Variants in LRMDA observed in about 807,000 individuals in gnomAD.
LRMDA encodes leucine rich melanocyte differentiation associated.
A neutral mutation model predicts 29.8 loss-of-function variants in LRMDA; 18 were observed. The observed-to-expected ratio is 0.60, with a 90% CI of 0.42 to 0.90. LRMDA has a LOEUF of 0.90. Ranked by LOEUF, LRMDA falls within the 40% of genes least tolerant of loss-of-function variation. The pLI is 0.00. For synonymous variants in LRMDA, 125 were observed against 109.4 expected (o/e 1.14, Z -0.89); for missense variants, 273 against 273.9 (o/e 1.00, Z 0.02).
intron 5 of LRMDA, among the ~76,000 whole-genome samples, chr10:76,086,393 G>A (rs1378418573): frequency 7.5e-6 from 1 of 133,240 alleles, no homozygotes; most frequent in Non-Finnish European, 1.6e-5. Flanking sequence ...CTGTTTGCAA[G>A]GCTGGGAAAA....
intron 2 of LRMDA, among the ~76,000 whole-genome samples, chr10:75,738,992 T>G (rs1842797790): frequency 6.6e-6 from 1 of 152,196 alleles, no homozygotes; most frequent in Non-Finnish European, 1.5e-5. Flanking sequence ...CCTGGCTGAT[T>G]AGCAACTTTT....
At chr10:75,914,899 A>G (rs914987692) in intron 2 of LRMDA, among the ~76,000 whole-genome samples, 3 of 152,162 alleles carry the variant, frequency 2.0e-5, no homozygotes, top group African/African-American at 4.8e-5. Context: ...GTAAAAGTCT[A>G]TATGGTGTTA....
intron 2 of LRMDA, among the ~76,000 whole-genome samples, chr10:76,015,595 T>C (rs894172465): frequency 1.3e-5 from 2 of 152,148 alleles, no homozygotes; most frequent in African/African-American, 4.8e-5. Context: ...ATTCTGTTCA[T>C]TAGAAGCAAG....
chr10:76,068,201 TAAG>T (rs1206514784), intron 5 of LRMDA, among the ~76,000 whole-genome samples: 1 of 152,234 alleles, frequency 6.6e-6, no homozygotes, highest in Non-Finnish European at 1.5e-5. Flanking sequence ...TAATAGCAGA[TAAG>T]AAGAGCAAAT....
At chr10:76,468,881 G>A (rs1483065960) in intron 6 of LRMDA, among the ~76,000 whole-genome samples, 2 of 152,164 alleles carry the variant, frequency 1.3e-5, no homozygotes, top group Non-Finnish European at 2.9e-5. Context: ...AGAGGGAGAA[G>A]AGAGAGGAAG....
chr10:75,581,674 G>A (rs927650126), intron 2 of LRMDA, among the ~76,000 whole-genome samples: 52 of 150,656 alleles, frequency 3.5e-4, no homozygotes, highest in African/African-American at 1.2e-3. Context: ...CATTCTCAGC[G>A]AACACAAGAA....
intron 2 of LRMDA, among the ~76,000 whole-genome samples, chr10:76,028,708 C>T (rs1052197361): frequency 2.0e-5 from 3 of 152,022 alleles, no homozygotes; most frequent in Non-Finnish European, 2.9e-5. Context: ...CAGTATTCTT[C>T]AGGTACATTT....
intron 6 of LRMDA, among the ~76,000 whole-genome samples, chr10:76,519,779 G>T (rs1000827290): frequency 3.3e-5 from 5 of 151,910 alleles, no homozygotes; most frequent in Non-Finnish European, 7.4e-5. Context: ...TGAGTTTATT[G>T]ACTATTTTTA....
At chr10:76,257,319 C>T (rs1028313979) in intron 5 of LRMDA, among the ~76,000 whole-genome samples, 2 of 147,966 alleles carry the variant, frequency 1.4e-5, no homozygotes, top group Non-Finnish European at 3.0e-5. Flanking sequence ...AGCTATGGCA[C>T]TGGGTATTTT....
chr10:75,962,716 T>TTC (rs1455972800), intron 2 of LRMDA, among the ~76,000 whole-genome samples: 1 of 152,222 alleles, frequency 6.6e-6, no homozygotes, highest in Non-Finnish European at 1.5e-5. Context: ...CTACTGTTCT[T>TTC]TCAGTGTGCA....
chr10:76,063,332 T>G (rs117065895), intron 5 of LRMDA, among the ~76,000 whole-genome samples: 3,014 of 152,076 alleles, frequency 0.02, 68 homozygotes, highest in Non-Finnish European at 0.026. Flanking sequence ...CAAACGTATG[T>G]TTTTTCCCAT....
chr10:76,291,916 ACACACACACACACGTG>A (rs1239609245), intron 5 of LRMDA, among the ~76,000 whole-genome samples: 23 of 122,394 alleles, frequency 1.9e-4, no homozygotes, highest in African/African-American at 9.0e-4. Context: ...ACACGTGCAC[ACACACACACACACGTG>A]CACACACACA....
chr10:76,316,178 C>T (rs752933915), intron 5 of LRMDA, among the ~76,000 whole-genome samples: 18 of 152,196 alleles, frequency 1.2e-4, no homozygotes, highest in Non-Finnish European at 2.5e-4. Context: ...GAGCCCAGAC[C>T]TAGGGGCTCT....
intron 2 of LRMDA, among the ~76,000 whole-genome samples, chr10:75,466,814 C>A (rs1844656459): frequency 6.6e-6 from 1 of 152,250 alleles, no homozygotes; most frequent in East Asian, 1.9e-4. Context: ...ATCTCTCCCA[C>A]CTCTAAACCC....
intron 2 of LRMDA, among the ~76,000 whole-genome samples, chr10:75,538,517 A>T (rs1839979591): frequency 6.6e-6 from 1 of 152,212 alleles, no homozygotes; most frequent in Non-Finnish European, 1.5e-5. Context: ...TGTTCAAATC[A>T]TAGGGAAAGG....
rs1848456754 is a variant in LRMDA at position 76,047,312 on chromosome 10, C to T, written c.398+9C>T. ...GACTACAAGAGATACAGGTGAGTGTCCAGGGGTTGGACCATGGTGGGAAAA... is the reference window on the plus strand; with the variant it reads ...GACTACAAGAGATACAGGTGAGTGTTCAGGGGTTGGACCATGGTGGGAAAA... On this transcript the variant is annotated intron_variant, in intron 4 of 6. Transcript: ENST00000611255. The T allele has an allele frequency of 1.9e-6, 3 of 1,601,780 alleles. No individual in the cohort carries two copies. Among genetic ancestry groups the T allele is most frequent in the Non-Finnish European group, 2.6e-6 (3 of 1,174,290 alleles).
chr10:75,615,157 G>T (rs755193004), intron 2 of LRMDA, among the ~76,000 whole-genome samples: 6 of 152,132 alleles, frequency 3.9e-5, no homozygotes, highest in Non-Finnish European at 8.8e-5. Flanking sequence ...TGGTTTTCTA[G>T]CTCTCAATGA....
At chr10:75,638,292 C>G (rs1436112797) in intron 2 of LRMDA, among the ~76,000 whole-genome samples, 1 of 152,100 alleles carries the variant, frequency 6.6e-6, no homozygotes, top group Non-Finnish European at 1.5e-5. Context: ...CTTGGTTTTT[C>G]CTGTTTTAAC....
chr10:75,916,393 A>G (rs1845935321), intron 2 of LRMDA, among the ~76,000 whole-genome samples: 1 of 152,052 alleles, frequency 6.6e-6, no homozygotes, highest in African/African-American at 2.4e-5. Context: ...CTGGCAAGAG[A>G]GAGGCAGCAG....
Sources: allele counts gnomAD v4.1 joint callset (sites outside exome capture counted in the v4.1 genomes callset), GRCh38; gene constraint gnomAD v4.1.1; transcripts MANE v1.5; gene names NCBI Gene and HGNC (gene_info 2026-07-23, HGNC 2026-07-21).